DYNLT2B: variants seen among roughly 807,000 people sequenced by gnomAD.
DYNLT2B encodes the protein dynein light chain Tctex-type 2B, also known as dynein light chain Tctex-type protein 2B.
DYNLT2B carries 14 observed loss-of-function variants against 19.5 expected under a neutral mutation model. The observed-to-expected ratio is 0.72, with a 90% CI of 0.47 to 1.12. The LOEUF (loss-of-function observed/expected upper bound fraction) is 1.12, where lower values mean the gene tolerates loss of function less well. Ranked by LOEUF, DYNLT2B falls within the 50% of genes most tolerant of loss-of-function variation. The pLI is 0.00. For missense variants in DYNLT2B, 133 were observed against 174.7 expected (o/e 0.76, Z 1.35); for synonymous variants, 70 against 59.7 (o/e 1.17, Z -0.79).
At chr3:196,295,864 C>A in intron 4 of DYNLT2B, 142 bp downstream of exon 4, 1 of 703,876 alleles carries the variant, frequency 1.4e-6, no homozygotes, top group Non-Finnish European at 2.3e-6. Context: ...AACACAAAAA[C>A]TAACAGTAAA....
intron 2 of DYNLT2B, among the ~76,000 whole-genome samples, chr3:196,315,815 T>C (rs371640606): frequency 6.6e-6 from 1 of 152,188 alleles, no homozygotes; most frequent in African/African-American, 2.4e-5. Context: ...GAGTTTGCAG[T>C]GAGCCAAGAT....
chr3:196,291,521 C>A, intron 4 of DYNLT2B, 147 bp from the exon 5 acceptor site: 1 of 721,286 alleles, frequency 1.4e-6, no homozygotes. Context: ...CTCTATCACC[C>A]AGGCTGGAGT....
At chr3:196,293,301 T>G (rs1378197205) in intron 4 of DYNLT2B, among the ~76,000 whole-genome samples, 1 of 152,186 alleles carries the variant, frequency 6.6e-6, no homozygotes, top group Admixed American at 6.5e-5. Flanking sequence ...CTCAGAACTA[T>G]TTGTTGAATG....
intron 3 of DYNLT2B, among the ~76,000 whole-genome samples, chr3:196,300,065 C>T (rs1482850062): frequency 2.6e-5 from 4 of 152,060 alleles, no homozygotes; most frequent in East Asian, 1.9e-4. Context: ...TTGGAGGAAA[C>T]GGCTTATGGG....
Position 196,306,837 on chromosome 3 carries a change from G to A in DYNLT2B, c.317+106C>T, listed in dbSNP as rs138684902. 242 of 1,008,938 alleles carry A rather than the reference G, an allele frequency of 2.4e-4. 2 individuals are homozygous for A. The highest frequency in any genetic ancestry group is 2.3e-3 in the Middle Eastern group (11 of 4,748). The allele number at this position is 1,008,938 out of a possible 1,614,324, so 62.5% of individuals were successfully genotyped here. The stretch of plus-strand genomic sequence containing the variant: ...ATTACAGGTGTGACCCATCACACCC[G>A]GCCCTTCTCACTCTTGTAAAGGCAC... On this transcript the variant is annotated intron_variant, in intron 3 of 4. Coordinates refer to ENST00000325318, the MANE Select transcript of DYNLT2B (RefSeq NM_152773.5).
intron 2 of DYNLT2B, among the ~76,000 whole-genome samples, chr3:196,308,203 TTGTC>T (rs1321696959): frequency 6.6e-6 from 1 of 152,116 alleles, no homozygotes; most frequent in Admixed American, 6.6e-5. Flanking sequence ...GTTCCTCTGT[TTGTC>T]TGGGCAGTGG....
At chr3:196,302,610 A>T (rs1055467427) in intron 3 of DYNLT2B, among the ~76,000 whole-genome samples, 19 of 152,228 alleles carry the variant, frequency 1.2e-4, no homozygotes, top group Non-Finnish European at 1.5e-5. Context: ...GAGGAGAGAC[A>T]AATTTCCTGT....
chr3:196,316,041 T>C, intron 2 of DYNLT2B, 57 bp downstream of exon 2: 1 of 1,563,702 alleles, frequency 6.4e-7, no homozygotes, highest in Non-Finnish European at 8.7e-7. Context: ...AGGGGGCAAA[T>C]GGGTAATACT....
intron 2 of DYNLT2B, among the ~76,000 whole-genome samples, chr3:196,311,413 A>T (rs1232957910): frequency 2.0e-5 from 3 of 151,342 alleles, no homozygotes. Flanking sequence ...AAAAAAAAAA[A>T]GAAGAAGAAA....
At position 196,291,359 on chromosome 3, in the gene DYNLT2B, C is replaced by T. The variant is rs144257417; in HGVS notation, c.397G>A (p.Val133Ile). The T allele has an allele frequency of 1.3e-5, 21 of 1,609,922 alleles. No individual in the cohort carries two copies. Among genetic ancestry groups the T allele is most frequent in the East Asian group, 4.5e-5 (2 of 44,630 alleles). Residue 133 changes from valine (V) to isoleucine (I), a missense_variant, in exon 5 of 5, where the codon GTT (valine) becomes ATT (isoleucine). Transcript: ENST00000325318. ...TAGAAACAGCCAAATGCTGCTACAA[C>T]GCAGAATAAACTGTCCTAAAAAATA... is the stretch of plus-strand genomic sequence containing the variant. ...DVFMNDSLFC[V>I]VAAFGCFYY is the part of the protein sequence containing the mutation.
chr3:196,316,515 C>A (rs939657650), intron 1 of DYNLT2B, among the ~76,000 whole-genome samples: 3 of 151,922 alleles, frequency 2.0e-5, no homozygotes, highest in Admixed American at 2.0e-4. Flanking sequence ...CCCTCTCCCC[C>A]AAAACAAAAT....
intron 2 of DYNLT2B, among the ~76,000 whole-genome samples, chr3:196,308,441 G>A (rs1410728906): frequency 3.9e-5 from 6 of 152,190 alleles, no homozygotes. Context: ...AGGTGATCCA[G>A]CACCATTTAG....
intron 1 of DYNLT2B, among the ~76,000 whole-genome samples, chr3:196,316,852 T>C (rs889630395): frequency 2.0e-5 from 3 of 148,586 alleles, no homozygotes; most frequent in Non-Finnish European, 4.5e-5. Context: ...CCTAGCTGAG[T>C]ACCCTCTGCT....
At position 196,310,912 on chromosome 3, in the gene DYNLT2B, T is replaced by C. The variant is rs144725090; in HGVS notation, c.248-3900A>G. ...CACCACGCCTGGCTAATTCTTTGTATTTCAGTAGAGACGAGGTTTCACCAT... is the reference window on the plus strand; with the variant it reads ...CACCACGCCTGGCTAATTCTTTGTACTTCAGTAGAGACGAGGTTTCACCAT... On this transcript the variant is annotated intron_variant, in intron 2 of 4. Transcript: ENST00000325318. 2.1e-4 allele frequency among the ~76,000 whole-genome samples: 32 copies of C among 152,006 alleles called. No homozygotes were observed. In the East Asian group the frequency reaches 6.0e-3, roughly 29 times the overall value.
intron 4 of DYNLT2B, among the ~76,000 whole-genome samples, 194 bp downstream of exon 4, chr3:196,295,812 G>A (rs1313629488): frequency 6.6e-6 from 1 of 152,162 alleles, no homozygotes; most frequent in Non-Finnish European, 1.5e-5. Flanking sequence ...AAACATGTAA[G>A]TTTCCTTGCC....
intron 3 of DYNLT2B, among the ~76,000 whole-genome samples, chr3:196,302,381 C>G (rs991787199): frequency 6.6e-6 from 1 of 152,090 alleles, no homozygotes; most frequent in African/African-American, 2.4e-5. Context: ...GGAATGAACA[C>G]AGTGGAGCTT....
chr3:196,299,904 C>G (rs2108792026), intron 3 of DYNLT2B, among the ~76,000 whole-genome samples: 1 of 152,214 alleles, frequency 6.6e-6, no homozygotes, highest in East Asian at 1.9e-4. Flanking sequence ...GCACTCCAGC[C>G]TGGGCAACAG....
chr3:196,295,441 A>G (rs1233465372), intron 4 of DYNLT2B, among the ~76,000 whole-genome samples: 3 of 152,160 alleles, frequency 2.0e-5, no homozygotes, highest in Non-Finnish European at 4.4e-5. Context: ...GATTATAGGC[A>G]TGAGCCACCG....
intron 2 of DYNLT2B, among the ~76,000 whole-genome samples, chr3:196,308,933 A>AT (rs1726561950): frequency 6.6e-6 from 1 of 151,732 alleles, no homozygotes. Flanking sequence ...AACCCACACC[A>AT]TATCAGAGCA....
Sources: gnomAD v4.1 joint callset for allele counts (sites outside exome capture counted in the v4.1 genomes callset) on GRCh38, gnomAD v4.1.1 for gene constraint, MANE v1.5 for transcripts, NCBI Gene and HGNC (gene_info 2026-07-23, HGNC 2026-07-21) for gene names.